DNAH14: variants seen among roughly 807,000 people sequenced by gnomAD.
DNAH14 encodes dynein axonemal heavy chain 14.
A neutral mutation model predicts 520.9 loss-of-function variants in DNAH14; 478 were observed. The observed-to-expected ratio is 0.92, with a 90% confidence interval of 0.85 to 0.99. The LOEUF is 0.99. Ranked by LOEUF, DNAH14 falls within the 50% of genes least tolerant of loss-of-function variation. The pLI is 0.00. For missense variants in DNAH14, 4,831 were observed against 5,234.5 expected, an observed-to-expected ratio of 0.92 and a Z score of 2.38; for synonymous variants, 1,581 against 1,757.2, an observed-to-expected ratio of 0.90 and a Z score of 2.51.
intron 43 of DNAH14, among the ~76,000 whole-genome samples, chr1:225,245,641 T>C (rs1249201564): frequency 6.6e-6 from 1 of 151,692 alleles, no homozygotes; most frequent in Non-Finnish European, 1.5e-5. Flanking sequence ...ACAAAGAAAA[T>C]AAAATACCTA....
intron 8 of DNAH14, among the ~76,000 whole-genome samples, chr1:225,000,304 G>T (rs1473176845): frequency 6.6e-6 from 1 of 151,960 alleles, no homozygotes; most frequent in Non-Finnish European, 1.5e-5. Flanking sequence ...TGATTTCAAG[G>T]TTTTTTCTTT....
rs112521039 is a variant in DNAH14, at chr1:225,371,973, T to C, written c.12319-2715T>C. Among the ~76,000 whole-genome samples the C allele has an allele frequency of 1.5e-3, 231 of 152,302 alleles. 1 individual carries two copies. The highest frequency in any genetic ancestry group is 5.1e-3 in the African/African-American group (210 of 41,574). On this transcript the variant is annotated intron_variant, in intron 77 of 85. Transcript: ENST00000682510. ...TTATTTAATTCCCACAACAACATTA[T>C]GAGGTAAGGACACTAATTATCCTCA... is the stretch of plus-strand genomic sequence containing the variant.
At chr1:224,980,138 C>T (rs544545739) in intron 8 of DNAH14, among the ~76,000 whole-genome samples, 1 of 152,118 alleles carries the variant, frequency 6.6e-6, no homozygotes, top group African/African-American at 2.4e-5. Flanking sequence ...TTGTCTTGCA[C>T]CTTAGGTACT....
At chr1:225,080,773 C>T in intron 19 of DNAH14, 25 bp downstream of exon 19, 4 of 1,487,288 alleles carry the variant, frequency 2.7e-6, no homozygotes, top group Non-Finnish European at 3.6e-6. Flanking sequence ...CTCAAATTTT[C>T]CCACCTAGGT....
chr1:225,361,557 T>A (rs143559295), intron 75 of DNAH14, among the ~76,000 whole-genome samples: 109 of 152,362 alleles, frequency 7.2e-4, no homozygotes, highest in African/African-American at 2.6e-3. Flanking sequence ...TATCCTGTGG[T>A]AAAATTGTTT....
Position 225,392,492 on chromosome 1 carries a change from T to C in DNAH14, c.13491+41T>C, listed in dbSNP as rs914586887. ...AAGGATTAGAAACGGTGATCATTCA[T>C]TCATTCATTTATTCATTCAATCAAT... On this transcript the variant is annotated intron_variant, in intron 84 of 85. Coordinates refer to ENST00000682510, the MANE Select transcript of DNAH14 (RefSeq NM_001367479.1). 5.2e-6 allele frequency: 8 copies of C among 1,546,886 alleles called. No homozygotes were observed. The Admixed American group carries it at 1.6e-4, about 30-fold the overall frequency.
At chr1:225,262,808 G>A (rs1332080421) in intron 46 of DNAH14, among the ~76,000 whole-genome samples, 1 of 151,898 alleles carries the variant, frequency 6.6e-6, no homozygotes, top group Non-Finnish European at 1.5e-5. Context: ...TTTTGCTTAG[G>A]ATTGCTTTGG....
At chr1:225,323,620 T>C (rs1308289159) in intron 62 of DNAH14, among the ~76,000 whole-genome samples, 6 of 151,994 alleles carry the variant, frequency 3.9e-5, no homozygotes, top group Admixed American at 2.0e-4. Flanking sequence ...CCTGCCACCA[T>C]GCCCAGCTAA....
intron 35 of DNAH14, among the ~76,000 whole-genome samples, chr1:225,165,776 G>A (rs183323462): frequency 1.6e-4 from 25 of 152,062 alleles, no homozygotes; most frequent in African/African-American, 5.3e-4. Flanking sequence ...GTAGAGACAA[G>A]GTTTTGCCGT....
chr1:225,113,495 G>T (rs563074550), intron 23 of DNAH14, among the ~76,000 whole-genome samples: 21 of 152,292 alleles, frequency 1.4e-4, no homozygotes, highest in South Asian at 2.1e-4. Flanking sequence ...TACCGCCTAT[G>T]TTTGTTCAAG....
chr1:225,257,948 A>T lies in DNAH14; in HGVS notation c.6866-12A>T. ...TAGGTCATTTGAAACTTTTTTTAAA[A>T]TGTTAACTTAGGAACTTCATTACTA... On this transcript the variant is annotated splice_polypyrimidine_tract_variant and intron_variant, in intron 44 of 85. Transcript: ENST00000682510. 1.3e-6 allele frequency: 2 copies of T among 1,536,986 alleles called. No individual in the cohort carries two copies. Among genetic ancestry groups the T allele is most frequent in the African/African-American group, 2.8e-5 (2 of 71,794 alleles).
chr1:225,309,637 G>C (rs998075876), intron 60 of DNAH14, among the ~76,000 whole-genome samples: 15 of 152,180 alleles, frequency 9.9e-5, no homozygotes, highest in Non-Finnish European at 1.5e-4. Context: ...GCTTATGCCT[G>C]TAATCCCAGC....
intron 48 of DNAH14, among the ~76,000 whole-genome samples, chr1:225,266,002 G>A (rs746698060): frequency 8.6e-5 from 13 of 151,810 alleles, no homozygotes; most frequent in Non-Finnish European, 1.8e-4. Flanking sequence ...GGTTTTTTAC[G>A]TTGCTTCTTT....
intron 15 of DNAH14, among the ~76,000 whole-genome samples, chr1:225,048,411 A>AG (rs1429921513): frequency 2.6e-5 from 4 of 152,208 alleles, no homozygotes; most frequent in Non-Finnish European, 4.4e-5. Context: ...CTGAGGCAGG[A>AG]GGACGGCCTG....
rs531362046 is a variant in DNAH14, at chr1:224,953,935, A to C, written c.78-1024A>C. Among the ~76,000 whole-genome samples, 87 of 152,300 alleles carry C rather than the reference A, an allele frequency of 5.7e-4. No individual in the cohort carries two copies. In the Middle Eastern group the frequency reaches 0.024, roughly 42 times the overall value. On this transcript the variant is annotated intron_variant, in intron 2 of 85. Coordinates refer to ENST00000682510, the MANE Select transcript of DNAH14 (RefSeq NM_001367479.1). ...TAAACAATACAAACCATAAAGGAAAAGGTAGATAAATTATATTAAAATTAG... is the reference window on the plus strand; with the variant it reads ...TAAACAATACAAACCATAAAGGAAACGGTAGATAAATTATATTAAAATTAG...
At chr1:225,187,114 G>GTAAT (rs1325266654) in intron 37 of DNAH14, among the ~76,000 whole-genome samples, 1 of 151,552 alleles carries the variant, frequency 6.6e-6, no homozygotes, top group African/African-American at 2.4e-5. Context: ...ACCCAATAAT[G>GTAAT]TAATTGCTGG....
chr1:225,037,005 G>T (rs925697973), intron 11 of DNAH14, among the ~76,000 whole-genome samples: 1 of 152,008 alleles, frequency 6.6e-6, no homozygotes, highest in Non-Finnish European at 1.5e-5. Flanking sequence ...TATACTTTTT[G>T]TTGTATAATC....
chr1:225,123,261 T>TC (rs1169949698), intron 26 of DNAH14, among the ~76,000 whole-genome samples: 1 of 152,208 alleles, frequency 6.6e-6, no homozygotes, highest in African/African-American at 2.4e-5. Flanking sequence ...CTAATATGCG[T>TC]CATCTCTTTT....
chr1:225,060,021 C>G (rs2069798285), intron 17 of DNAH14, among the ~76,000 whole-genome samples: 1 of 151,666 alleles, frequency 6.6e-6, no homozygotes. Flanking sequence ...TTGCTCTTCT[C>G]GAGGAGTATC....
Sources: gnomAD v4.1 joint callset for allele counts (sites outside exome capture counted in the v4.1 genomes callset) on GRCh38, gnomAD v4.1.1 for gene constraint, MANE v1.5 for transcripts, NCBI Gene and HGNC (gene_info 2026-07-23, HGNC 2026-07-21) for gene names.